The following CD58 variants were observed in gnomAD, a reference collection of about 807,000 sequenced individuals.
CD58 encodes the protein lymphocyte function-associated antigen 3.
In CD58, 14 loss-of-function variants were observed where a neutral mutation model predicts 27.6. That is an observed-to-expected ratio of 0.51 (90% confidence interval 0.34 to 0.79). The LOEUF (loss-of-function observed/expected upper bound fraction) is 0.79, where lower values mean the gene tolerates loss of function less well. CD58 is among the 30% of genes least tolerant of loss of function. The pLI is 0.02. For missense variants in CD58, 268 were observed against 301.7 expected, an observed-to-expected ratio of 0.89 and a Z score of 0.83; for synonymous variants, 117 against 103.8, an observed-to-expected ratio of 1.13 and a Z score of -0.77.
At chr1:116,569,890 CCA>C (rs1659081569) in intron 1 of CD58, among the ~76,000 whole-genome samples, 1 of 152,224 alleles carries the variant, frequency 6.6e-6, no homozygotes, top group African/African-American at 2.4e-5. Flanking sequence ...GTGTAAGCCA[CCA>C]CGCCCAGCCC....
In CD58 at chr1:116,544,421, G is replaced by C. The variant is rs143710154; in HGVS notation, c.254C>G (p.Thr85Ser). The change falls in exon 2 of 6, where the codon ACT becomes AGT. Residue 85 changes from threonine to serine, a missense_variant. Thr to Ser is a moderately conservative substitution (Grantham distance 58). Coordinates refer to ENST00000369489, the MANE Select transcript of CD58 (RefSeq NM_001779.3). ...GTAGATAGTGAGGCTACCTGACACA[G>C]TGTCTAAATAAACCCTATTTTTAAA... ...SSFKNRVYLD[T>S]VSGSLTIYNL... is the part of the protein sequence containing the mutation. 17 of 1,613,456 alleles carry C rather than the reference G, an allele frequency of 1.1e-5. No homozygotes were observed. The African/African-American group carries it at 2.0e-4, about 19-fold the overall frequency.
Position 116,546,564 on chromosome 1 carries a change from A to C in CD58, c.71-1960T>G, listed in dbSNP as rs1272612671. Among the ~76,000 whole-genome samples, 1 of 152,228 alleles carries C rather than the reference A, an allele frequency of 6.6e-6. No homozygotes were observed. The highest frequency in any genetic ancestry group is 1.5e-5 in the Non-Finnish European group (1 of 68,042). On this transcript the variant is annotated intron_variant, in intron 1 of 5. Coordinates refer to ENST00000369489, the MANE Select transcript of CD58 (RefSeq NM_001779.3). The surrounding 1 kb of genome is among the most constrained non-coding windows in gnomAD (Gnocchi z 4.1). The stretch of plus-strand genomic sequence containing the variant: ...AGTGGAAACTCAAAAATGTCTTATA[A>C]ATGTAAATGAAACAATGAGTGATAG...
intron 1 of CD58, among the ~76,000 whole-genome samples, chr1:116,545,613 C>T (rs921048461): frequency 3.9e-5 from 6 of 152,168 alleles, no homozygotes; most frequent in Middle Eastern, 3.4e-3. Flanking sequence ...GGAAGCAAGT[C>T]GAGGGTGTGA....
chr1:116,517,695 A>G lies in CD58; in HGVS notation c.743+1536T>C, dbSNP rs1657124200. Among the ~76,000 whole-genome samples, 1 of 152,016 alleles carries G rather than the reference A, an allele frequency of 6.6e-6. No individual in the cohort carries two copies. Among genetic ancestry groups the G allele is most frequent in the Non-Finnish European group, 1.5e-5 (1 of 67,964 alleles). ...AGTCCCGCCTCCTCTGCCTCTTCCC[A>G]TCACCCTAGGGCATCTAGCTTTTCT... On this transcript the variant is annotated intron_variant, in intron 5 of 5. Transcript: ENST00000369489. The surrounding 1 kb of genome is among the most constrained non-coding windows in gnomAD (Gnocchi z 6.5).
intron 1 of CD58, among the ~76,000 whole-genome samples, chr1:116,549,339 TTC>T (rs1557840967): frequency 6.6e-6 from 1 of 152,122 alleles, no homozygotes; most frequent in Non-Finnish European, 1.5e-5. Context: ...CTAAAAGAAG[TTC>T]TGAGGCACAA....
rs1657821986 is a variant in CD58, at chr1:116,536,732, A to C, written c.365-504T>G. On this transcript the variant is annotated intron_variant, in intron 2 of 5. Coordinates refer to ENST00000369489, the MANE Select transcript of CD58 (RefSeq NM_001779.3). This position sits in a 1 kb window ranked among gnomAD's most constrained non-coding sequence, Gnocchi z 5.4. The stretch of plus-strand genomic sequence containing the variant: ...AGTCAATTAAACCTCTTTTCTTTAT[A>C]AATTACCCAGTTTCAGGTAGTTCTT... Among the ~76,000 whole-genome samples, 1 of 152,174 alleles carries C rather than the reference A, an allele frequency of 6.6e-6. No homozygotes were observed. Among genetic ancestry groups the C allele is most frequent in the Non-Finnish European group, 1.5e-5 (1 of 68,036 alleles).
rs1281096527 is a variant in CD58, at chr1:116,527,297, T to G, written c.629-5314A>C. On this transcript the variant is annotated intron_variant, in intron 3 of 5. Transcript: ENST00000369489. The surrounding 1 kb of genome is among the most constrained non-coding windows in gnomAD (Gnocchi z 4.4). ...TCAAGTTTCTCACCATTACAGATGATGTTAGCTGCAGGGTTTTTTGTAGGC... is the reference window on the plus strand; with the variant it reads ...TCAAGTTTCTCACCATTACAGATGAGGTTAGCTGCAGGGTTTTTTGTAGGC... Among the ~76,000 whole-genome samples, 1 of 152,214 alleles carries G rather than the reference T, an allele frequency of 6.6e-6. No individual in the cohort carries two copies. The highest frequency in any genetic ancestry group is 1.9e-4 in the East Asian group (1 of 5,206).
rs75568324 is a variant in CD58, at chr1:116,521,409, G to C, written c.706+497C>G. Among the ~76,000 whole-genome samples, 1,840 of 152,288 alleles carry C rather than the reference G, an allele frequency of 0.012. 38 individuals are homozygous for C. Among genetic ancestry groups the C allele is most frequent in the African/African-American group, 0.042 (1,758 of 41,552 alleles). ...ATTCTCCAAGTCATCAGTTCTCCAA[G>C]CTGTATGACTGCCCAAGATTGCTAG... On this transcript the variant is annotated intron_variant, in intron 4 of 5. Transcript: ENST00000369489. This position sits in a 1 kb window ranked among gnomAD's most constrained non-coding sequence, Gnocchi z 5.6.
At chr1:116,551,526 G>A (rs1182517393) in intron 1 of CD58, among the ~76,000 whole-genome samples, 1 of 152,152 alleles carries the variant, frequency 6.6e-6, no homozygotes, top group African/African-American at 2.4e-5. Context: ...TTTGGATTAA[G>A]GGAATGTTGT....
intron 1 of CD58, among the ~76,000 whole-genome samples, chr1:116,558,712 C>T (rs1658660832): frequency 6.6e-6 from 1 of 152,210 alleles, no homozygotes; most frequent in Admixed American, 6.5e-5. Context: ...TTGCCTAGCT[C>T]TTAGCAAGTC....
intron 5 of CD58, chr1:116,518,725 G>A: frequency 1.0e-6 from 1 of 991,136 alleles, no homozygotes; most frequent in Non-Finnish European, 1.2e-6. Flanking sequence ...AACCAACACT[G>A]CTGCTAATTG....
At chr1:116,547,984 T>A (rs1220097622) in intron 1 of CD58, among the ~76,000 whole-genome samples, 1 of 152,230 alleles carries the variant, frequency 6.6e-6, no homozygotes, top group Non-Finnish European at 1.5e-5. Flanking sequence ...ATTTTTAAAT[T>A]ACGGCCATTC....
chr1:116,526,026 C>T (rs1657419645), intron 3 of CD58, among the ~76,000 whole-genome samples: 1 of 152,142 alleles, frequency 6.6e-6, no homozygotes, highest in Admixed American at 6.5e-5. Context: ...ATCTTTGACT[C>T]ATTTTTTAAT....
chr1:116,551,708 C>T (rs1436673359), intron 1 of CD58, among the ~76,000 whole-genome samples: 1 of 150,894 alleles, frequency 6.6e-6, no homozygotes, highest in Non-Finnish European at 1.5e-5. Flanking sequence ...TAGTTTTCAG[C>T]CCATCGTGGC....
chr1:116,533,626 T>C, intron 3 of CD58: 1 of 701,970 alleles, frequency 1.4e-6, no homozygotes, highest in Non-Finnish European at 2.7e-6. Flanking sequence ...TCCTTTGGGA[T>C]TTGGCTCTTC....
chr1:116,569,151 G>A (rs1425860491), intron 1 of CD58, among the ~76,000 whole-genome samples: 4 of 152,222 alleles, frequency 2.6e-5, no homozygotes, highest in Admixed American at 2.0e-4. Context: ...CAAGGTGCCA[G>A]GGAATGAGGG....
At chr1:116,533,949 G>T in intron 3 of CD58, 1 of 1,424,382 alleles carries the variant, frequency 7.0e-7, no homozygotes, top group South Asian at 1.2e-5. Context: ...GGGTGTGAGG[G>T]GCATTGTCAA....
chr1:116,534,158 G>A lies in CD58; in HGVS notation c.628+1807C>T. ...TGAGTAACTAGGCTAAGGCACTCAG[G>A]CCAGTCCTCGGGGAGCACACGCCGC... On this transcript the variant is annotated intron_variant, in intron 3 of 5. Coordinates refer to ENST00000369489, the MANE Select transcript of CD58 (RefSeq NM_001779.3). This position sits in a 1 kb window ranked among gnomAD's most constrained non-coding sequence, Gnocchi z 5.3. The A allele has an allele frequency of 1.5e-6, 1 of 652,880 alleles. No homozygotes were observed. The highest frequency in any genetic ancestry group is 2.8e-6 in the Non-Finnish European group (1 of 357,004). 40.4% of individuals were successfully genotyped at this position (652,880 alleles called of 1,614,324 possible).
chr1:116,563,411 T>A lies in CD58; in HGVS notation c.70+7492A>T, dbSNP rs1658823030. 6.6e-6 allele frequency among the ~76,000 whole-genome samples: 1 copy of A among 151,912 alleles called. No individual in the cohort carries two copies. The highest frequency in any genetic ancestry group is 1.5e-5 in the Non-Finnish European group (1 of 67,942). On this transcript the variant is annotated intron_variant, in intron 1 of 5. Transcript: ENST00000369489. This position sits in a 1 kb window ranked among gnomAD's most constrained non-coding sequence, Gnocchi z 4.1. Reference sequence around the variant, plus strand: ...TGGATGATGGCCCTCTTCTCACAGCTCCACTAGGCGGTGCCCCAGTGGGGA... The same window carrying A: ...TGGATGATGGCCCTCTTCTCACAGCACCACTAGGCGGTGCCCCAGTGGGGA...
Sources: gnomAD v4.1 joint callset for allele counts (sites outside exome capture counted in the v4.1 genomes callset) on GRCh38, gnomAD v4.1.1 for gene constraint, Gnocchi (gnomAD v3.1) non-coding constraint, MANE v1.5 for transcripts, NCBI Gene and HGNC (gene_info 2026-07-23, HGNC 2026-07-21) for gene names.